Variants in NUBPL observed in about 807,000 individuals in gnomAD.
The protein encoded by NUBPL is NUBP iron-sulfur cluster assembly factor, mitochondrial, also known as iron-sulfur cluster transfer protein NUBPL.
Under a neutral mutation model 45.7 loss-of-function variants are expected in NUBPL, and 31 were observed. That is an observed-to-expected ratio of 0.68 (90% CI 0.51 to 0.92). NUBPL has a LOEUF of 0.92. Among genes scored for constraint, NUBPL ranks in the 40% least tolerant of loss-of-function variants. The pLI is 0.00. For missense variants in NUBPL, 401 were observed against 398.7 expected (o/e 1.01, Z -0.05); for synonymous variants, 144 against 140.9 (o/e 1.02, Z -0.15).
At chr14:31,762,374 A>G (rs1260593210) in intron 6 of NUBPL, among the ~76,000 whole-genome samples, 1 of 152,186 alleles carries the variant, frequency 6.6e-6, no homozygotes, top group Non-Finnish European at 1.5e-5. Context: ...AGGACATCAA[A>G]TACCTTACTT....
intron 7 of NUBPL, among the ~76,000 whole-genome samples, chr14:31,820,346 T>C (rs1313533326): frequency 1.3e-5 from 2 of 152,156 alleles, no homozygotes; most frequent in East Asian, 3.9e-4. Flanking sequence ...ACATCATTAA[T>C]GATGGTATAA....
Position 31,669,797 on chromosome 14 carries a change from G to GTTTTTTTTTTT in NUBPL, c.383-3557_383-3547dup, listed in dbSNP as rs1211411877. On this transcript the variant is annotated intron_variant, in intron 4 of 10. Coordinates refer to ENST00000281081, the MANE Select transcript of NUBPL (RefSeq NM_025152.3). Reference sequence around the variant, plus strand: ...TCTTCCTGCAAAAGACATGATCTTGGTTTTTTTTTTTGTTTTTTTTTTTTT... The same window carrying GTTTTTTTTTTT: ...TCTTCCTGCAAAAGACATGATCTTGGTTTTTTTTTTTTTTTTTTTTTTGTTTTTTTTTTTTT... Among the ~76,000 whole-genome samples the GTTTTTTTTTTT allele has an allele frequency of 2.2e-4, 15 of 68,610 alleles. 5 individuals are homozygous for GTTTTTTTTTTT. Among genetic ancestry groups the GTTTTTTTTTTT allele is most frequent in the South Asian group, 1.3e-3 (2 of 1,482 alleles). The allele number at this position is 68,610 out of a possible 152,430, so 45.0% of individuals were successfully genotyped here.
intron 6 of NUBPL, among the ~76,000 whole-genome samples, chr14:31,715,156 A>G (rs1595534814): frequency 1.3e-5 from 2 of 152,170 alleles, no homozygotes; most frequent in South Asian, 4.1e-4. Context: ...TGATCTCTTT[A>G]TACTATTTGA....
At chr14:31,728,591 C>T (rs1044289367) in intron 6 of NUBPL, among the ~76,000 whole-genome samples, 2 of 152,150 alleles carry the variant, frequency 1.3e-5, no homozygotes, top group Admixed American at 6.6e-5. Flanking sequence ...TTAATGACTG[C>T]AAAGTAATAT....
intron 3 of NUBPL, among the ~76,000 whole-genome samples, chr14:31,586,491 C>G (rs2034000067): frequency 6.6e-6 from 1 of 152,174 alleles, no homozygotes; most frequent in Non-Finnish European, 1.5e-5. Context: ...CAGAAAGTAG[C>G]TCAACTAGAA....
At chr14:31,839,539 A>G (rs181961291) in intron 8 of NUBPL, among the ~76,000 whole-genome samples, 4 of 152,360 alleles carry the variant, frequency 2.6e-5, no homozygotes, top group Admixed American at 2.0e-4. Context: ...GAGAAGCTCT[A>G]TGACATTGGT....
intron 8 of NUBPL, chr14:31,845,369 A>T (rs2138989843): frequency 6.6e-6 from 1 of 152,338 alleles, no homozygotes; most frequent in South Asian, 2.1e-4. Context: ...GAATGATAAA[A>T]TAACCATCTC....
At chr14:31,623,905 C>T (rs2035136187) in intron 4 of NUBPL, among the ~76,000 whole-genome samples, 1 of 152,144 alleles carries the variant, frequency 6.6e-6, no homozygotes, top group South Asian at 2.1e-4. Context: ...GTCATAAATA[C>T]CCTCTTGGGT....
chr14:31,722,775 TA>T (rs1269050095), intron 6 of NUBPL, among the ~76,000 whole-genome samples: 2 of 152,198 alleles, frequency 1.3e-5, no homozygotes, highest in African/African-American at 4.8e-5. Flanking sequence ...GCCCACCTTT[TA>T]ATGGGGTTGG....
intron 4 of NUBPL, among the ~76,000 whole-genome samples, chr14:31,629,222 G>A (rs1041245798): frequency 2.0e-5 from 3 of 152,106 alleles, no homozygotes; most frequent in Non-Finnish European, 2.9e-5. Flanking sequence ...TGGTTTCTAG[G>A]TTAGTAATCC....
intron 7 of NUBPL, among the ~76,000 whole-genome samples, chr14:31,805,806 T>C (rs1212866701): frequency 6.8e-6 from 1 of 146,186 alleles, no homozygotes; most frequent in Non-Finnish European, 1.5e-5. Flanking sequence ...CTATTGGGTA[T>C]TAGGCTTAAT....
intron 3 of NUBPL, among the ~76,000 whole-genome samples, chr14:31,597,193 C>G (rs964562307): frequency 1.3e-5 from 2 of 152,132 alleles, no homozygotes; most frequent in Non-Finnish European, 2.9e-5. Flanking sequence ...TTAGGTCAGT[C>G]TCTTAGAGTA....
chr14:31,725,709 CTTTTTT>C (rs375160082), intron 6 of NUBPL, among the ~76,000 whole-genome samples: 4 of 104,958 alleles, frequency 3.8e-5, no homozygotes, highest in African/African-American at 1.5e-4. Context: ...TAGATTTCAG[CTTTTTT>C]TTTTTTTTTT....
intron 3 of NUBPL, among the ~76,000 whole-genome samples, chr14:31,598,276 G>T (rs1566437184): frequency 6.6e-6 from 1 of 151,528 alleles, no homozygotes; most frequent in East Asian, 1.9e-4. Flanking sequence ...AATTTAAAAA[G>T]TTTTTTTTTG....
intron 3 of NUBPL, among the ~76,000 whole-genome samples, chr14:31,595,379 A>C (rs2034256073): frequency 6.6e-6 from 1 of 152,240 alleles, no homozygotes; most frequent in South Asian, 2.1e-4. Flanking sequence ...GACATTAAAG[A>C]TGACAATCAG....
intron 4 of NUBPL, among the ~76,000 whole-genome samples, chr14:31,643,272 A>G (rs1216288933): frequency 6.6e-6 from 1 of 151,944 alleles, no homozygotes; most frequent in African/African-American, 2.4e-5. Flanking sequence ...TCTTTGTTCA[A>G]CGTGATGTTA....
At chr14:31,807,563 T>G (rs1308732341) in intron 7 of NUBPL, among the ~76,000 whole-genome samples, 6 of 152,336 alleles carry the variant, frequency 3.9e-5, no homozygotes, top group South Asian at 2.1e-4. Context: ...TTTCTCCCAT[T>G]CTGTAGGTTG....
intron 4 of NUBPL, among the ~76,000 whole-genome samples, chr14:31,651,597 A>C (rs1487541783): frequency 6.6e-6 from 1 of 152,162 alleles, no homozygotes; most frequent in African/African-American, 2.4e-5. Context: ...GAAAACAAAT[A>C]ACTGTATTGA....
chr14:31,757,153 T>C (rs2038685693), intron 6 of NUBPL, among the ~76,000 whole-genome samples: 1 of 140,998 alleles, frequency 7.1e-6, no homozygotes, highest in East Asian at 2.2e-4. Context: ...GATATTGGTC[T>C]AAAATTCTCT....
Sources: allele counts gnomAD v4.1 joint callset (sites outside exome capture counted in the v4.1 genomes callset), GRCh38; gene constraint gnomAD v4.1.1; transcripts MANE v1.5; gene names NCBI Gene and HGNC (gene_info 2026-07-23, HGNC 2026-07-21).